RANBP2: variants seen among roughly 807,000 people sequenced by gnomAD.
RANBP2 encodes RAN binding protein 2.
Under a neutral mutation model 303.6 loss-of-function variants are expected in RANBP2, and 57 were observed. The observed-to-expected ratio is 0.19, with a 90% confidence interval of 0.15 to 0.23. The LOEUF is 0.23. RANBP2 is among the 10% of genes least tolerant of loss of function. The pLI is 1.00. For missense variants in RANBP2, 3,138 were observed against 3,780.8 expected (o/e 0.83, Z 4.46); for synonymous variants, 1,167 against 1,301.5 (o/e 0.90, Z 2.23).
At chr2:109,577,403 G>A in the RANBP2 span, among the ~76,000 whole-genome samples, 20 of 151,972 alleles carry the variant, frequency 1.3e-4, no homozygotes, top group Non-Finnish European at 4.4e-5. Flanking sequence ...AGACCAGCCT[G>A]GCCAACATGG....
chr2:109,330,958 T>C, the RANBP2 span, among the ~76,000 whole-genome samples: 1 of 152,182 alleles, frequency 6.6e-6, no homozygotes, highest in Admixed American at 6.5e-5. Context: ...CAAGTGTGTG[T>C]TGAATAAAGG....
At chr2:109,627,308 T>C in the RANBP2 span, among the ~76,000 whole-genome samples, 2 of 152,198 alleles carry the variant, frequency 1.3e-5, no homozygotes, top group Admixed American at 1.3e-4. Flanking sequence ...GCGATTCTCC[T>C]GCCTCAGCCT....
At chr2:108,835,494 G>A in the RANBP2 span, among the ~76,000 whole-genome samples, 1 of 152,166 alleles carries the variant, frequency 6.6e-6, no homozygotes, top group East Asian at 1.9e-4. Context: ...ACAGCGATAT[G>A]ATAACACATG....
At chr2:109,230,933 A>G in the RANBP2 span, among the ~76,000 whole-genome samples, 5 of 152,356 alleles carry the variant, frequency 3.3e-5, no homozygotes, top group African/African-American at 1.2e-4. Flanking sequence ...TCAAACAGGA[A>G]GGCAGGATAG....
chr2:108,976,690 T>C, the RANBP2 span, among the ~76,000 whole-genome samples: 4 of 152,364 alleles, frequency 2.6e-5, no homozygotes, highest in African/African-American at 9.6e-5. Flanking sequence ...AAACTCTGGG[T>C]TATAACCCAA....
chr2:109,367,063 G>A, the RANBP2 span, among the ~76,000 whole-genome samples: 1 of 149,872 alleles, frequency 6.7e-6, no homozygotes. Flanking sequence ...AGAGATTCTC[G>A]TGCCTCACCC....
the RANBP2 span, among the ~76,000 whole-genome samples, chr2:109,077,544 T>C: frequency 8.8e-6 from 1 of 114,076 alleles, no homozygotes; most frequent in Non-Finnish European, 2.1e-5. Context: ...TGGGAGAAAA[T>C]ACAACCCATA....
At chr2:109,302,684 C>T in the RANBP2 span, among the ~76,000 whole-genome samples, 7 of 152,332 alleles carry the variant, frequency 4.6e-5, no homozygotes, top group African/African-American at 1.7e-4. Flanking sequence ...TTTCCACAGT[C>T]CTGCCATTGG....
the RANBP2 span, among the ~76,000 whole-genome samples, chr2:109,066,054 C>G: frequency 6.6e-6 from 1 of 152,072 alleles, no homozygotes. Flanking sequence ...TCTCCTGCCT[C>G]GGCCTCCCGA....
the RANBP2 span, among the ~76,000 whole-genome samples, chr2:109,298,369 G>T: frequency 6.6e-6 from 1 of 152,108 alleles, no homozygotes; most frequent in African/African-American, 2.4e-5. Flanking sequence ...TTCAGTTTCT[G>T]CTGGGGTAGA....
the RANBP2 span, among the ~76,000 whole-genome samples, chr2:109,297,871 A>G: frequency 1.3e-5 from 2 of 151,822 alleles, no homozygotes; most frequent in Admixed American, 6.6e-5. Flanking sequence ...ACCCAGGCCA[A>G]TACCCTCCAC....
intron 25 of RANBP2, among the ~76,000 whole-genome samples, chr2:108,777,770 G>C (rs1022581061): frequency 1.9e-4 from 29 of 152,084 alleles, no homozygotes; most frequent in African/African-American, 6.3e-4. Flanking sequence ...CGGTTTACTA[G>C]TGTAAGGCCA....
the RANBP2 span, among the ~76,000 whole-genome samples, chr2:109,000,834 A>C: frequency 6.6e-6 from 1 of 152,128 alleles, no homozygotes; most frequent in Non-Finnish European, 1.5e-5. Context: ...ACGGAGGCAC[A>C]CAGGATGAGG....
chr2:109,312,952 C>A, the RANBP2 span, among the ~76,000 whole-genome samples: 29 of 152,166 alleles, frequency 1.9e-4, 1 homozygote, highest in Admixed American at 1.9e-3. Context: ...CCTATGTTTT[C>A]CACAGCAGCC....
At chr2:109,320,286 T>G in the RANBP2 span, among the ~76,000 whole-genome samples, 1 of 152,214 alleles carries the variant, frequency 6.6e-6, no homozygotes, top group Non-Finnish European at 1.5e-5. Flanking sequence ...GTTTCCTTCC[T>G]GTTCTCTGCA....
chr2:109,502,131 C>T, the RANBP2 span: 4,357 of 164,350 alleles, frequency 0.027, 117 homozygotes, highest in African/African-American at 0.068. Context: ...TGCTCTGTCA[C>T]CATTCTATAT....
the RANBP2 span, among the ~76,000 whole-genome samples, chr2:109,102,106 T>G: frequency 6.6e-6 from 1 of 151,956 alleles, no homozygotes; most frequent in Non-Finnish European, 1.5e-5. Flanking sequence ...TTTTATTTAT[T>G]TTTTATTTTT....
chr2:109,727,179 A>G, the RANBP2 span, among the ~76,000 whole-genome samples: 1 of 152,220 alleles, frequency 6.6e-6, no homozygotes, highest in Non-Finnish European at 1.5e-5. Flanking sequence ...ATGACAAGAA[A>G]ACAAGCAATG....
the RANBP2 span, among the ~76,000 whole-genome samples, chr2:108,946,197 T>C: frequency 6.6e-6 from 1 of 152,174 alleles, no homozygotes; most frequent in East Asian, 1.9e-4. Context: ...AGGTACAAAA[T>C]GCACCAGGGC....
Sources: allele counts gnomAD v4.1 joint callset (sites outside exome capture counted in the v4.1 genomes callset), GRCh38; gene constraint gnomAD v4.1.1; transcripts MANE v1.5; gene names NCBI Gene and HGNC (gene_info 2026-07-23, HGNC 2026-07-21).